Variants in CAST observed in about 807,000 individuals in gnomAD.
CAST encodes calpastatin, also known as MIR583 host.
In CAST, 76 loss-of-function variants were observed where a neutral mutation model predicts 119.6. The observed-to-expected ratio is 0.64, with a 90% CI of 0.53 to 0.77. The LOEUF is 0.77. Ranked by LOEUF, CAST falls within the 30% of genes least tolerant of loss-of-function variation. CAST has a pLI of 0.00. For synonymous variants in CAST, 319 were observed against 331.6 expected, an observed-to-expected ratio of 0.96 and a Z score of 0.41; for missense variants, 953 against 946.5, an observed-to-expected ratio of 1.01 and a Z score of -0.09.
chr5:96,263,886 C>A, the CAST span, among the ~76,000 whole-genome samples: 5 of 152,146 alleles, frequency 3.3e-5, no homozygotes, highest in South Asian at 1.0e-3. Flanking sequence ...AAGTGCCACA[C>A]TTTAGGACCA....
chr5:96,252,455 T>C, the CAST span, among the ~76,000 whole-genome samples: 1 of 152,112 alleles, frequency 6.6e-6, no homozygotes, highest in Non-Finnish European at 1.5e-5. Flanking sequence ...ACTAAATGAC[T>C]ATTGATTAAC....
At chr5:96,157,472 G>T in the CAST span, among the ~76,000 whole-genome samples, 3 of 152,230 alleles carry the variant, frequency 2.0e-5, no homozygotes, top group African/African-American at 7.2e-5. Context: ...AAAGACAAAA[G>T]TATACTCACT....
At chr5:96,310,116 G>T in the CAST span, among the ~76,000 whole-genome samples, 1 of 152,166 alleles carries the variant, frequency 6.6e-6, no homozygotes, top group Non-Finnish European at 1.5e-5. Flanking sequence ...TAGCTAATTT[G>T]TTGAGTGTTT....
At chr5:96,387,983 G>A in the CAST span, among the ~76,000 whole-genome samples, 2 of 152,174 alleles carry the variant, frequency 1.3e-5, no homozygotes, top group African/African-American at 4.8e-5. Flanking sequence ...TTCCTTTCAA[G>A]ATTGGGGGTC....
chr5:96,473,846 C>T, the CAST span, among the ~76,000 whole-genome samples: 1 of 152,152 alleles, frequency 6.6e-6, no homozygotes, highest in Non-Finnish European at 1.5e-5. Context: ...GGGTAACTAG[C>T]AGATTCTGCT....
the CAST span, among the ~76,000 whole-genome samples, chr5:96,096,623 G>A: frequency 3.9e-5 from 6 of 152,176 alleles, no homozygotes; most frequent in Admixed American, 3.9e-4. Flanking sequence ...TAGCCATTTA[G>A]TAAGCTATTT....
the CAST span, among the ~76,000 whole-genome samples, chr5:96,405,084 A>G: frequency 2.0e-5 from 3 of 152,212 alleles, no homozygotes; most frequent in East Asian, 1.9e-4. Flanking sequence ...CAGCTTTGGT[A>G]TAGACAATTG....
At chr5:96,224,687 C>T in the CAST span, among the ~76,000 whole-genome samples, 1 of 152,236 alleles carries the variant, frequency 6.6e-6, no homozygotes, top group African/African-American at 2.4e-5. Flanking sequence ...TGTCCCCTAG[C>T]ACTAGTAGAG....
the CAST span, among the ~76,000 whole-genome samples, chr5:96,446,318 C>T: frequency 6.6e-6 from 1 of 152,148 alleles, no homozygotes; most frequent in African/African-American, 2.4e-5. Flanking sequence ...TTTTCATAAC[C>T]ATGTATTACA....
At chr5:96,150,294 A>G in the CAST span, among the ~76,000 whole-genome samples, 2 of 152,250 alleles carry the variant, frequency 1.3e-5, no homozygotes, top group Admixed American at 6.5e-5. Flanking sequence ...TCTGCCAGTC[A>G]GAACCCATCA....
the CAST span, among the ~76,000 whole-genome samples, chr5:96,393,540 C>G: frequency 6.6e-6 from 1 of 152,150 alleles, no homozygotes; most frequent in Non-Finnish European, 1.5e-5. Flanking sequence ...GGGCTTCAAC[C>G]CTCATTTGCC....
the CAST span, among the ~76,000 whole-genome samples, chr5:96,048,221 A>G: frequency 6.6e-6 from 1 of 152,236 alleles, no homozygotes; most frequent in Non-Finnish European, 1.5e-5. Context: ...TCATATGATC[A>G]TATTTGTGTT....
chr5:96,022,958 A>G, the CAST span, among the ~76,000 whole-genome samples: 1 of 152,214 alleles, frequency 6.6e-6, no homozygotes, highest in African/African-American at 2.4e-5. Context: ...TATCTACAAA[A>G]TACCTTCACA....
chr5:96,750,359 G>C (rs943939331), intron 19 of CAST, among the ~76,000 whole-genome samples: 1 of 152,028 alleles, frequency 6.6e-6, no homozygotes, highest in African/African-American at 2.4e-5. Context: ...TCAGTTTCAC[G>C]AGTTTCAGTA....
the CAST span, among the ~76,000 whole-genome samples, chr5:96,314,871 C>G: frequency 3.9e-5 from 6 of 152,126 alleles, no homozygotes; most frequent in East Asian, 3.8e-4. Flanking sequence ...TTTGACTGAC[C>G]CTTTAAATTT....
chr5:96,168,711 T>C, the CAST span, among the ~76,000 whole-genome samples: 5 of 151,938 alleles, frequency 3.3e-5, no homozygotes, highest in Non-Finnish European at 7.4e-5. Flanking sequence ...TCAGGTGGAT[T>C]AGAGAGATAC....
the CAST span, among the ~76,000 whole-genome samples, chr5:96,474,174 T>C: frequency 6.6e-6 from 1 of 152,176 alleles, no homozygotes; most frequent in Non-Finnish European, 1.5e-5. Flanking sequence ...AGTGTTAAAA[T>C]GTTCTTGGGC....
the CAST span, among the ~76,000 whole-genome samples, chr5:96,405,165 A>G: frequency 2.0e-5 from 3 of 152,226 alleles, no homozygotes; most frequent in East Asian, 5.8e-4. Context: ...GGCAGTAAGG[A>G]TATAAATGTT....
chr5:96,543,219 C>T (rs1001197116), intron 1 of CAST, among the ~76,000 whole-genome samples: 8 of 152,266 alleles, frequency 5.3e-5, no homozygotes, highest in East Asian at 1.9e-4. Flanking sequence ...AGAATGAGTT[C>T]GTGTCCTTTG....
Sources: allele counts gnomAD v4.1 joint callset (sites outside exome capture counted in the v4.1 genomes callset), GRCh38; gene constraint gnomAD v4.1.1; transcripts MANE v1.5; gene names NCBI Gene and HGNC (gene_info 2026-07-23, HGNC 2026-07-21).